DRC11: variants seen among roughly 807,000 people sequenced by gnomAD.
The protein encoded by DRC11 is IQ and AAA domain-containing protein 1.
At chr2:236,500,386 C>T in the DRC11 span, among the ~76,000 whole-genome samples, 5 of 152,044 alleles carry the variant, frequency 3.3e-5, no homozygotes, top group Non-Finnish European at 7.4e-5. The surrounding 1 kb of genome is among the most constrained non-coding windows in gnomAD (Gnocchi z 6.3). Flanking sequence ...AGAAAGCAGA[C>T]GAGGAAGGAG....
chr2:236,333,676 C>T, the DRC11 span, among the ~76,000 whole-genome samples: 1 of 152,136 alleles, frequency 6.6e-6, no homozygotes, highest in Non-Finnish European at 1.5e-5. This position sits in a 1 kb window ranked among gnomAD's most constrained non-coding sequence, Gnocchi z 6.0. Flanking sequence ...GTGAGGGCCA[C>T]GTGCTCACTG....
chr2:236,435,870 A>G, the DRC11 span, among the ~76,000 whole-genome samples: 1 of 152,144 alleles, frequency 6.6e-6, no homozygotes, highest in Non-Finnish European at 1.5e-5. Context: ...AAGGATGTTG[A>G]CCTCTGGCCT....
chr2:236,427,033 GATC>G, the DRC11 span, among the ~76,000 whole-genome samples: 3 of 152,138 alleles, frequency 2.0e-5, no homozygotes, highest in African/African-American at 2.4e-5. The surrounding 1 kb of genome is among the most constrained non-coding windows in gnomAD (Gnocchi z 5.9). Context: ...CTATTAAAAT[GATC>G]ATATGATTTT....
the DRC11 span, among the ~76,000 whole-genome samples, chr2:236,352,663 C>T: frequency 1.1e-4 from 17 of 152,308 alleles, no homozygotes; most frequent in African/African-American, 3.8e-4. This position sits in a 1 kb window ranked among gnomAD's most constrained non-coding sequence, Gnocchi z 7.0. Flanking sequence ...CACTTCCTGT[C>T]CTTACAGATC....
the DRC11 span, among the ~76,000 whole-genome samples, chr2:236,347,515 T>G: frequency 7.0e-6 from 1 of 142,724 alleles, no homozygotes; most frequent in Non-Finnish European, 1.6e-5. Context: ...GTGCTATATA[T>G]ATATATATAT....
the DRC11 span, among the ~76,000 whole-genome samples, chr2:236,334,538 T>C: frequency 4.6e-5 from 7 of 152,326 alleles, no homozygotes; most frequent in East Asian, 1.4e-3. This position sits in a 1 kb window ranked among gnomAD's most constrained non-coding sequence, Gnocchi z 7.8. Flanking sequence ...TTTCCTCTTT[T>C]GGAGGCAAAA....
At chr2:236,320,228 G>A in the DRC11 span, among the ~76,000 whole-genome samples, 3 of 152,196 alleles carry the variant, frequency 2.0e-5, no homozygotes, top group African/African-American at 4.8e-5. Context: ...TGTTGCTGGG[G>A]CGGCTGCCAG....
the DRC11 span, among the ~76,000 whole-genome samples, chr2:236,357,943 T>TG: frequency 1.1e-5 from 1 of 87,214 alleles, no homozygotes; most frequent in African/African-American, 4.8e-5. Context: ...TATGAATATA[T>TG]AATATATAAA....
the DRC11 span, among the ~76,000 whole-genome samples, chr2:236,317,056 G>A: frequency 6.6e-6 from 1 of 152,304 alleles, no homozygotes; most frequent in East Asian, 1.9e-4. The surrounding 1 kb of genome is among the most constrained non-coding windows in gnomAD (Gnocchi z 5.4). Flanking sequence ...AGCACTTTGG[G>A]AGGCCGAGGT....
At chr2:236,415,952 A>G in the DRC11 span, among the ~76,000 whole-genome samples, 3 of 152,140 alleles carry the variant, frequency 2.0e-5, no homozygotes, top group African/African-American at 7.2e-5. This position sits in a 1 kb window ranked among gnomAD's most constrained non-coding sequence, Gnocchi z 5.7. Flanking sequence ...GCAGAGTAAG[A>G]GTATGATTTT....
chr2:236,416,721 T>TTTTA, the DRC11 span, among the ~76,000 whole-genome samples: 140 of 64,242 alleles, frequency 2.2e-3, 5 homozygotes, highest in South Asian at 0.024. Context: ...ATATATATAT[T>TTTTA]TATATATATA....
chr2:236,493,922 G>A, the DRC11 span: 52,274 of 1,539,858 alleles, frequency 0.034, 3,414 homozygotes, highest in African/African-American at 0.24. Flanking sequence ...GAGTATTTCC[G>A]TCACAATGCC....
the DRC11 span, among the ~76,000 whole-genome samples, chr2:236,405,724 C>T: frequency 2.1e-4 from 32 of 152,078 alleles, no homozygotes; most frequent in African/African-American, 7.2e-4. This position sits in a 1 kb window ranked among gnomAD's most constrained non-coding sequence, Gnocchi z 4.6. Context: ...ATTCCAAGAC[C>T]CCAGTGCACA....
At chr2:236,314,705 T>C in the DRC11 span, among the ~76,000 whole-genome samples, 1 of 152,142 alleles carries the variant, frequency 6.6e-6, no homozygotes, top group African/African-American at 2.4e-5. This position sits in a 1 kb window ranked among gnomAD's most constrained non-coding sequence, Gnocchi z 4.5. Flanking sequence ...ATGAAATTTA[T>C]AACGGAAAAT....
the DRC11 span, among the ~76,000 whole-genome samples, chr2:236,310,844 C>A: frequency 1.3e-5 from 2 of 152,168 alleles, no homozygotes; most frequent in Non-Finnish European, 2.9e-5. This position sits in a 1 kb window ranked among gnomAD's most constrained non-coding sequence, Gnocchi z 5.5. Flanking sequence ...AATTAAGCTT[C>A]CCTTAGAGAA....
chr2:236,365,253 C>T, the DRC11 span, among the ~76,000 whole-genome samples: 7 of 151,834 alleles, frequency 4.6e-5, no homozygotes, highest in East Asian at 3.9e-4. This position sits in a 1 kb window ranked among gnomAD's most constrained non-coding sequence, Gnocchi z 7.4. Flanking sequence ...ATAATGAGAA[C>T]GGGAGGCAAG....
the DRC11 span, among the ~76,000 whole-genome samples, chr2:236,447,658 G>C: frequency 6.6e-6 from 1 of 152,150 alleles, no homozygotes; most frequent in African/African-American, 2.4e-5. The surrounding 1 kb of genome is among the most constrained non-coding windows in gnomAD (Gnocchi z 4.6). Context: ...TGTGTTCCTG[G>C]GTGACCTTTG....
chr2:236,411,992 C>T, the DRC11 span, among the ~76,000 whole-genome samples: 3 of 150,896 alleles, frequency 2.0e-5, no homozygotes, highest in Non-Finnish European at 4.4e-5. Flanking sequence ...CACATGTATA[C>T]ATATGTAACT....
At chr2:236,350,185 T>C in the DRC11 span, among the ~76,000 whole-genome samples, 1 of 152,230 alleles carries the variant, frequency 6.6e-6, no homozygotes, top group Non-Finnish European at 1.5e-5. This position sits in a 1 kb window ranked among gnomAD's most constrained non-coding sequence, Gnocchi z 5.2. Flanking sequence ...ATCAGTTGTT[T>C]TGAAAACGGC....
Sources: gnomAD v4.1 joint callset for allele counts (sites outside exome capture counted in the v4.1 genomes callset) on GRCh38, gnomAD v4.1.1 for gene constraint, Gnocchi (gnomAD v3.1) non-coding constraint, MANE v1.5 for transcripts, NCBI Gene and HGNC (gene_info 2026-07-23, HGNC 2026-07-21) for gene names.